CDK13: variants seen among roughly 807,000 people sequenced by gnomAD.
CDK13 encodes the protein cyclin-dependent kinase 13.
A neutral mutation model predicts 137.6 loss-of-function variants in CDK13; 40 were observed. The ratio of observed to expected loss-of-function variants is 0.29; its 90% CI spans 0.23 to 0.38. The LOEUF is 0.38. Among genes scored for constraint, CDK13 ranks in the 10% least tolerant of loss-of-function variants. The pLI is 1.00. For missense variants in CDK13, 1,704 were observed against 1,951.8 expected (o/e 0.87, Z 2.39); for synonymous variants, 869 against 760.1 (o/e 1.14, Z -2.36).
intron 7 of CDK13, among the ~76,000 whole-genome samples, chr7:40,052,074 A>ATGGAGTGGTTT (rs1230628619): frequency 2.2e-4 from 34 of 152,326 alleles, no homozygotes; most frequent in Admixed American, 1.4e-3. Flanking sequence ...AGGATGGAGT[A>ATGGAGTGGTTT]TCTTTCTCTC....
chr7:39,990,101 A>G (rs543309923), intron 2 of CDK13, among the ~76,000 whole-genome samples: 2 of 152,264 alleles, frequency 1.3e-5, no homozygotes, highest in East Asian at 1.9e-4. Flanking sequence ...TTCTTCATGT[A>G]TGCTTTAGGA....
At chr7:39,985,660 A>T (rs1784321565) in intron 1 of CDK13, 1 of 151,962 alleles carries the variant, frequency 6.6e-6, no homozygotes, top group African/African-American at 2.4e-5. Flanking sequence ...TTAATGTGTT[A>T]ACCTGCCTAC....
chr7:40,019,129 G>A (rs959248722), intron 5 of CDK13, among the ~76,000 whole-genome samples: 2 of 152,134 alleles, frequency 1.3e-5, no homozygotes, highest in Non-Finnish European at 2.9e-5. Context: ...TTCATCCAAA[G>A]TTTTGTTAAA....
At chr7:40,013,915 G>A (rs1346239683) in intron 5 of CDK13, among the ~76,000 whole-genome samples, 7 of 152,034 alleles carry the variant, frequency 4.6e-5, no homozygotes, top group Non-Finnish European at 7.4e-5. Flanking sequence ...GGTGCTAGAC[G>A]TTTGAATACT....
chr7:40,054,297 A>T (rs1425069562), intron 7 of CDK13, among the ~76,000 whole-genome samples: 1 of 152,160 alleles, frequency 6.6e-6, no homozygotes, highest in East Asian at 1.9e-4. Flanking sequence ...GTCATATTGG[A>T]TTTAATTATA....
At chr7:40,041,518 C>T (rs1186263202) in intron 5 of CDK13, among the ~76,000 whole-genome samples, 1 of 152,100 alleles carries the variant, frequency 6.6e-6, no homozygotes, top group African/African-American at 2.4e-5. Context: ...TAATAATTCT[C>T]AAAGTCATAC....
intron 1 of CDK13, among the ~76,000 whole-genome samples, chr7:39,982,790 G>C (rs1411058769): frequency 6.6e-6 from 1 of 152,168 alleles, no homozygotes; most frequent in Non-Finnish European, 1.5e-5. Context: ...TTTTTCATGT[G>C]TCTTCTGGCT....
At chr7:40,057,939 T>C (rs1251047258) in intron 7 of CDK13, among the ~76,000 whole-genome samples, 1 of 152,184 alleles carries the variant, frequency 6.6e-6, no homozygotes, top group Non-Finnish European at 1.5e-5. Context: ...TATATGAAAG[T>C]ATTAATAAGT....
At chr7:40,076,154 C>T (rs772514270) in intron 9 of CDK13, among the ~76,000 whole-genome samples, 6 of 151,988 alleles carry the variant, frequency 3.9e-5, no homozygotes, top group African/African-American at 9.7e-5. Flanking sequence ...ATGCTTTATA[C>T]TTCTATTATA....
At position 40,088,269 on chromosome 7, in the gene CDK13, C is replaced by T; in HGVS notation, c.3173C>T (p.Thr1058Ile). ...SLGLDDSRTN[T>I]PQGVLPSSQL... ...GGCTTGGATGACAGCAGAACCAACA[C>T]ACCCCAGGGTGTGCTGCCATCTTCA... is the stretch of plus-strand genomic sequence containing the variant. Residue 1058 changes from threonine to isoleucine, a missense_variant, in exon 12 of 14, where the codon ACA becomes ATA. Physicochemically the swap from Thr to Ile is moderately conservative, Grantham distance 89. This residue lies in a region of CDK13 where 475 missense variants were observed against 579.3 expected (regional missense o/e 0.82). Transcript: ENST00000181839. The T allele has an allele frequency of 6.2e-7, 1 of 1,614,164 alleles. No homozygotes were observed. The highest frequency in any genetic ancestry group is 8.5e-7 in the Non-Finnish European group (1 of 1,180,026).
At chr7:40,043,911 T>A (rs1227559178) in intron 5 of CDK13, among the ~76,000 whole-genome samples, 1 of 151,404 alleles carries the variant, frequency 6.6e-6, no homozygotes, top group Admixed American at 6.6e-5. Flanking sequence ...TTTTTTTTTT[T>A]TTTGAGATGG....
chr7:39,988,372 C>G (rs1250024853), intron 2 of CDK13, 114 bp downstream of exon 2: 4 of 686,370 alleles, frequency 5.8e-6, no homozygotes, highest in Admixed American at 3.3e-5. Flanking sequence ...AAAAAGACTA[C>G]AAGTGAATGA....
intron 2 of CDK13, among the ~76,000 whole-genome samples, chr7:39,996,987 A>AAAAAAAAC (rs1562719405): frequency 6.6e-6 from 1 of 150,938 alleles, no homozygotes; most frequent in African/African-American, 2.5e-5. Context: ...GAAAAAAAAA[A>AAAAAAAAC]AGAAAAATGC....
intron 9 of CDK13, among the ~76,000 whole-genome samples, chr7:40,064,541 A>G (rs954530766): frequency 6.6e-6 from 1 of 152,102 alleles, no homozygotes; most frequent in Non-Finnish European, 1.5e-5. Context: ...AAATCTTACT[A>G]TTGCCCTTTT....
At chr7:40,024,968 C>T (rs908966966) in intron 5 of CDK13, among the ~76,000 whole-genome samples, 1 of 152,018 alleles carries the variant, frequency 6.6e-6, no homozygotes, top group Non-Finnish European at 1.5e-5. Flanking sequence ...CCAGCTGTAG[C>T]TCTGTGGTTT....
intron 9 of CDK13, among the ~76,000 whole-genome samples, chr7:40,074,885 A>C (rs550427373): frequency 6.6e-6 from 1 of 152,196 alleles, no homozygotes; most frequent in African/African-American, 2.4e-5. Context: ...ACAAAATCTC[A>C]CTGAAAATAG....
At chr7:40,030,422 A>ATTTTT (rs34922492) in intron 5 of CDK13, among the ~76,000 whole-genome samples, 2 of 65,988 alleles carry the variant, frequency 3.0e-5, no homozygotes, top group Non-Finnish European at 6.6e-5. Flanking sequence ...GCAACCACTG[A>ATTTTT]TTTTTTTTTT....
At chr7:40,082,980 G>A (rs777538587) in intron 11 of CDK13, among the ~76,000 whole-genome samples, 11 of 151,692 alleles carry the variant, frequency 7.3e-5, no homozygotes, top group African/African-American at 2.7e-4. Flanking sequence ...GCACACGCCT[G>A]TAATCCCAGC....
intron 5 of CDK13, among the ~76,000 whole-genome samples, chr7:40,038,460 G>C (rs567817844): frequency 2.0e-5 from 3 of 151,964 alleles, no homozygotes; most frequent in Admixed American, 6.6e-5. Flanking sequence ...TTTGTATTTT[G>C]GCCAGTGAAT....
Sources: allele counts gnomAD v4.1 joint callset (sites outside exome capture counted in the v4.1 genomes callset), GRCh38; gene constraint gnomAD v4.1.1; regional missense constraint gnomAD v4.1.1; transcripts MANE v1.5; gene names NCBI Gene and HGNC (gene_info 2026-07-23, HGNC 2026-07-21).